LUZP2: variants seen among roughly 807,000 people sequenced by gnomAD.
LUZP2 encodes leucine zipper protein 2.
Under a neutral mutation model 51.6 loss-of-function variants are expected in LUZP2, and 52 were observed. That is an observed-to-expected ratio of 1.01 (90% CI 0.81 to 1.27). The LOEUF (loss-of-function observed/expected upper bound fraction) is 1.27. LUZP2 is among the 50% of genes most tolerant of loss of function. LUZP2 has a pLI of 0.00. For synonymous variants in LUZP2, 154 were observed against 137.3 expected (o/e 1.12, Z -0.85); for missense variants, 436 against 395.4 (o/e 1.10, Z -0.87).
intron 9 of LUZP2, among the ~76,000 whole-genome samples, chr11:25,037,470 A>T (rs1453990582): frequency 6.6e-6 from 1 of 151,984 alleles, no homozygotes; most frequent in Non-Finnish European, 1.5e-5. Context: ...GTTAATACTG[A>T]TATGTGTGAT....
At chr11:24,877,331 T>G (rs1365102531) in intron 5 of LUZP2, among the ~76,000 whole-genome samples, 1 of 152,278 alleles carries the variant, frequency 6.6e-6, no homozygotes, top group East Asian at 1.9e-4. Context: ...AGTCATTAAC[T>G]CTCTGATATA....
chr11:24,731,778 C>G (rs866772447), intron 2 of LUZP2, among the ~76,000 whole-genome samples: 6 of 151,734 alleles, frequency 4.0e-5, no homozygotes, highest in Admixed American at 2.0e-4. Context: ...CTGTGCCAGA[C>G]CTGGTCTAAC....
At chr11:24,860,395 G>A (rs1851704233) in intron 5 of LUZP2, among the ~76,000 whole-genome samples, 1 of 152,284 alleles carries the variant, frequency 6.6e-6, no homozygotes, top group Non-Finnish European at 1.5e-5. Context: ...GGGCAGCCCA[G>A]ATGAGTGGGT....
chr11:24,906,318 A>G (rs1853451426), intron 6 of LUZP2, among the ~76,000 whole-genome samples: 1 of 149,472 alleles, frequency 6.7e-6, no homozygotes, highest in Non-Finnish European at 1.5e-5. Flanking sequence ...CCTTATCTGG[A>G]CTATCAGAAC....
chr11:24,709,704 T>C (rs1055216933), intron 1 of LUZP2, among the ~76,000 whole-genome samples: 5 of 152,180 alleles, frequency 3.3e-5, no homozygotes, highest in African/African-American at 1.2e-4. Flanking sequence ...ATAACTCTAC[T>C]GATAAAGAGG....
At chr11:24,839,164 A>G (rs1487433517) in intron 5 of LUZP2, among the ~76,000 whole-genome samples, 1 of 151,668 alleles carries the variant, frequency 6.6e-6, no homozygotes, top group Non-Finnish European at 1.5e-5. Flanking sequence ...TGTTTTGTAC[A>G]TATTCTTTCA....
intron 9 of LUZP2, among the ~76,000 whole-genome samples, chr11:25,024,077 G>C (rs1366114170): frequency 6.6e-6 from 1 of 152,174 alleles, no homozygotes; most frequent in Admixed American, 6.6e-5. Flanking sequence ...TTTGGAGTAA[G>C]TGCGATGTGG....
chr11:25,013,768 CT>C (rs1857050343), intron 9 of LUZP2, among the ~76,000 whole-genome samples: 1 of 151,800 alleles, frequency 6.6e-6, no homozygotes, highest in Non-Finnish European at 1.5e-5. Context: ...TTTTATTATA[CT>C]TTAAGTTTTA....
intron 1 of LUZP2, among the ~76,000 whole-genome samples, chr11:24,592,350 C>T (rs1449516474): frequency 1.3e-5 from 2 of 152,084 alleles, no homozygotes; most frequent in Admixed American, 6.5e-5. Context: ...TTTTCAGCAA[C>T]TTGGTAGCAG....
At chr11:24,585,387 G>A (rs1318640936) in intron 1 of LUZP2, among the ~76,000 whole-genome samples, 1 of 152,166 alleles carries the variant, frequency 6.6e-6, no homozygotes. Context: ...TTGTAAATCA[G>A]TAGCCAGTGT....
intron 1 of LUZP2, among the ~76,000 whole-genome samples, chr11:24,579,611 T>C (rs905349664): frequency 1.3e-5 from 2 of 152,076 alleles, no homozygotes; most frequent in African/African-American, 4.8e-5. Context: ...AGAAATAAAA[T>C]AATTCTGTGA....
Position 25,028,364 on chromosome 11 carries a change from C to T in LUZP2, c.766-21674C>T, listed in dbSNP as rs182617772. 2.2e-3 allele frequency among the ~76,000 whole-genome samples: 333 copies of T among 152,250 alleles called. 3 individuals carry two copies. Among genetic ancestry groups the T allele is most frequent in the Admixed American group, 4.0e-3 (61 of 15,278 alleles). On this transcript the variant is annotated intron_variant, in intron 9 of 11. Transcript: ENST00000336930. ...TCATCCCCACTCCCCATGTCCATTA[C>T]CCTTCCCAGCTTATGGGAACCATCA...
chr11:25,018,195 G>A (rs988104869), intron 9 of LUZP2, among the ~76,000 whole-genome samples: 3 of 152,050 alleles, frequency 2.0e-5, no homozygotes, highest in Admixed American at 1.3e-4. Context: ...ATCAAATCTA[G>A]GAGTCTTTTG....
At chr11:24,652,403 A>C (rs373871838) in intron 1 of LUZP2, among the ~76,000 whole-genome samples, 3 of 152,236 alleles carry the variant, frequency 2.0e-5, no homozygotes, top group Non-Finnish European at 2.9e-5. Flanking sequence ...TGGAGAATTC[A>C]GTAGAGAAGC....
chr11:24,588,627 A>T (rs1453023265), intron 1 of LUZP2, among the ~76,000 whole-genome samples: 1 of 36,856 alleles, frequency 2.7e-5, no homozygotes, highest in Admixed American at 4.5e-4. Flanking sequence ...AAACAAATAA[A>T]GGAATAATTT....
rs185596662 is a variant in LUZP2 at position 24,997,862 on chromosome 11, C to T, written c.765+14569C>T. Among the ~76,000 whole-genome samples, 1,228 of 152,208 alleles carry T rather than the reference C, an allele frequency of 8.1e-3. 33 individuals carry two copies. The East Asian group carries it at 0.098, about 12-fold the overall frequency. Reference sequence around the variant, plus strand: ...TGGCTAGCCAGTTTTCCCAGCACCACTTATTAAATAGGGAATCCTTTCCCC... The same window carrying T: ...TGGCTAGCCAGTTTTCCCAGCACCATTTATTAAATAGGGAATCCTTTCCCC... On this transcript the variant is annotated intron_variant, in intron 9 of 11. Coordinates refer to ENST00000336930, the MANE Select transcript of LUZP2 (RefSeq NM_001009909.4).
At chr11:24,746,624 C>T (rs917930545) in intron 4 of LUZP2, among the ~76,000 whole-genome samples, 5 of 152,138 alleles carry the variant, frequency 3.3e-5, no homozygotes, top group Non-Finnish European at 7.4e-5. Context: ...AAGTTTTCTT[C>T]AATTATTCCC....
chr11:24,538,778 T>G (rs1039202180), intron 1 of LUZP2, among the ~76,000 whole-genome samples: 2 of 151,734 alleles, frequency 1.3e-5, no homozygotes, highest in African/African-American at 4.8e-5. Context: ...TCACAGCACT[T>G]TCAGCAAATG....
intron 3 of LUZP2, among the ~76,000 whole-genome samples, chr11:24,735,079 G>A (rs770129119): frequency 3.9e-5 from 6 of 151,958 alleles, no homozygotes; most frequent in Non-Finnish European, 5.9e-5. Context: ...GTCTTTCTGT[G>A]TAGCTGGAGC....
Sources: allele counts gnomAD v4.1 joint callset (sites outside exome capture counted in the v4.1 genomes callset), GRCh38; gene constraint gnomAD v4.1.1; transcripts MANE v1.5; gene names NCBI Gene and HGNC (gene_info 2026-07-23, HGNC 2026-07-21).